NAALADL2: variants seen among roughly 807,000 people sequenced by gnomAD.
NAALADL2 encodes N-acetylated alpha-linked acidic dipeptidase like 2, also known as inactive N-acetylated-alpha-linked acidic dipeptidase-like protein 2.
In NAALADL2, 76 loss-of-function variants were observed where a neutral mutation model predicts 87.2. The observed-to-expected ratio is 0.87, with a 90% CI of 0.72 to 1.05. NAALADL2 has a LOEUF of 1.05. Among genes scored for constraint, NAALADL2 ranks in the 50% least tolerant of loss-of-function variants. The pLI, the probability that NAALADL2 is intolerant of heterozygous loss-of-function variation, is 0.00. For missense variants in NAALADL2, 1,089 were observed against 945.8 expected (o/e 1.15, Z -1.99); for synonymous variants, 354 against 331.0 (o/e 1.07, Z -0.75).
At chr3:175,429,012 A>C (rs1717283525) in intron 5 of NAALADL2, among the ~76,000 whole-genome samples, 1 of 151,990 alleles carries the variant, frequency 6.6e-6, no homozygotes, top group Non-Finnish European at 1.5e-5. Context: ...AAACCAAATG[A>C]ATGATATTGG....
At chr3:174,866,961 C>G (rs1442302271) in intron 1 of NAALADL2, among the ~76,000 whole-genome samples, 3 of 151,194 alleles carry the variant, frequency 2.0e-5, no homozygotes, top group Admixed American at 6.6e-5. Context: ...ATTAGAAAAC[C>G]CATAATATTG....
At chr3:175,091,676 A>G (rs1194576330) in intron 1 of NAALADL2, among the ~76,000 whole-genome samples, 2 of 152,064 alleles carry the variant, frequency 1.3e-5, no homozygotes, top group Non-Finnish European at 2.9e-5. Flanking sequence ...CAGAATTACG[A>G]TTACACATCA....
chr3:175,114,524 A>T (rs951993467), intron 2 of NAALADL2, among the ~76,000 whole-genome samples: 1 of 151,692 alleles, frequency 6.6e-6, no homozygotes, highest in East Asian at 1.9e-4. Context: ...TGCTAAACAT[A>T]TAAGTGTTTT....
chr3:174,736,857 C>T (rs1282404130), intron 2 of NAALADL2, among the ~76,000 whole-genome samples: 1 of 152,180 alleles, frequency 6.6e-6, no homozygotes, highest in African/African-American at 2.4e-5. Context: ...CTATGCTGAG[C>T]TTCCCTCAGC....
At chr3:174,506,856 A>C (rs1469870339) in intron 1 of NAALADL2, among the ~76,000 whole-genome samples, 2 of 151,574 alleles carry the variant, frequency 1.3e-5, no homozygotes, top group South Asian at 4.1e-4. Flanking sequence ...TCTTGGTTAT[A>C]TCTTTTTCTT....
At position 174,832,415 on chromosome 3, in the gene NAALADL2, G is replaced by A. The variant is rs375916896; in HGVS notation, c.-9+94669G>A. ...ATGTTCAGTTTCCATGTAGTTGAGC[G>A]GTTTTGAGTGAGATTCTTAATCCTG... On this transcript the variant is annotated intron_variant, in intron 3 of 3. Coordinates refer to the NAALADL2 transcript ENST00000434257. Among the ~76,000 whole-genome samples, 708 of 152,110 alleles carry A rather than the reference G, an allele frequency of 4.7e-3. 5 individuals are homozygous for A. The highest frequency in any genetic ancestry group is 6.5e-3 in the Non-Finnish European group (439 of 68,000).
rs367832329 is a variant in NAALADL2, at chr3:175,241,280, G to A, written c.819+7076G>A. 3.3e-5 allele frequency among the ~76,000 whole-genome samples: 5 copies of A among 151,996 alleles called. No homozygotes were observed. The East Asian group carries it at 7.7e-4, about 23-fold the overall frequency. ...GTTTTGCCCAGGCTGGAGTGCAGTG[G>A]TGCAACCTCGGCTCACTGTAACCTC... On this transcript the variant is annotated intron_variant, in intron 3 of 13. Coordinates refer to ENST00000454872, the MANE Select transcript of NAALADL2 (RefSeq NM_207015.3).
intron 2 of NAALADL2, among the ~76,000 whole-genome samples, chr3:174,689,634 A>G (rs548551110): frequency 6.6e-6 from 1 of 152,082 alleles, no homozygotes; most frequent in South Asian, 2.1e-4. Flanking sequence ...GGCTCTTCTA[A>G]TTAGTCATGA....
At chr3:175,297,253 T>C (rs1756505508) in intron 4 of NAALADL2, among the ~76,000 whole-genome samples, 3 of 152,290 alleles carry the variant, frequency 2.0e-5, no homozygotes, top group Non-Finnish European at 4.4e-5. Flanking sequence ...CAAAAGCCAA[T>C]AGGTAACTAA....
At chr3:175,584,218 A>G (rs1720214842) in intron 10 of NAALADL2, among the ~76,000 whole-genome samples, 2 of 151,972 alleles carry the variant, frequency 1.3e-5, no homozygotes, top group African/African-American at 4.8e-5. Context: ...TTGTATTTTT[A>G]GTAGAGTTGG....
intron 1 of NAALADL2, among the ~76,000 whole-genome samples, chr3:174,944,935 G>A (rs1739176328): frequency 6.6e-6 from 1 of 152,106 alleles, no homozygotes; most frequent in African/African-American, 2.4e-5. Context: ...TTGTTTCCTT[G>A]ATTAGTCCTT....
chr3:174,797,714 A>G (rs1718307578), intron 3 of NAALADL2, among the ~76,000 whole-genome samples: 1 of 152,024 alleles, frequency 6.6e-6, no homozygotes, highest in African/African-American at 2.4e-5. Flanking sequence ...GATTGTGTTG[A>G]TCTTGAGCTT....
At chr3:175,449,815 C>T (rs1721278804) in intron 6 of NAALADL2, among the ~76,000 whole-genome samples, 1 of 152,098 alleles carries the variant, frequency 6.6e-6, no homozygotes, top group African/African-American at 2.4e-5. Flanking sequence ...GATATACACC[C>T]ATGTTAAAGC....
chr3:175,168,650 A>G (rs1463220881), intron 2 of NAALADL2, among the ~76,000 whole-genome samples: 13 of 151,806 alleles, frequency 8.6e-5, no homozygotes, highest in African/African-American at 2.9e-4. Context: ...ATCAATATCA[A>G]AGGCTGAGAT....
At chr3:175,385,949 A>G (rs189015354) in intron 5 of NAALADL2, among the ~76,000 whole-genome samples, 133 of 152,144 alleles carry the variant, frequency 8.7e-4, no homozygotes, top group African/African-American at 3.1e-3. Flanking sequence ...AGGGGAGAAT[A>G]AAAGATTTTT....
chr3:174,875,759 A>G (rs750073799), intron 1 of NAALADL2, among the ~76,000 whole-genome samples: 12 of 151,444 alleles, frequency 7.9e-5, no homozygotes, highest in Non-Finnish European at 1.5e-4. Context: ...GCATTTTTTC[A>G]TAAGCATTTA....
chr3:175,383,127 A>G (rs1233214683), intron 5 of NAALADL2, among the ~76,000 whole-genome samples: 1 of 152,100 alleles, frequency 6.6e-6, no homozygotes, highest in Non-Finnish European at 1.5e-5. Flanking sequence ...TAATGATCAC[A>G]TAAGAGTAAT....
chr3:175,018,975 T>A lies in NAALADL2; in HGVS notation c.44-77815T>A, dbSNP rs1348918873. Among the ~76,000 whole-genome samples, 4 of 152,052 alleles carry A rather than the reference T, an allele frequency of 2.6e-5. No homozygotes were observed. The South Asian group carries it at 6.2e-4, about 24-fold the overall frequency. ...CATGTAACTTTTTTGCCATTTTATC[T>A]TCTTGAAAGAAACCACCTCCTGCTT... On this transcript the variant is annotated intron_variant, in intron 1 of 13. Coordinates refer to ENST00000454872, the MANE Select transcript of NAALADL2 (RefSeq NM_207015.3).
chr3:174,979,304 C>CTTTTTTTTTTTTTT (rs5854604), intron 1 of NAALADL2, among the ~76,000 whole-genome samples: 107 of 105,200 alleles, frequency 1.0e-3, no homozygotes, highest in Non-Finnish European at 1.2e-3. Flanking sequence ...TCTTTCTTTT[C>CTTTTTTTTTTTTTT]TTTTTTTTTT....
Sources: gnomAD v4.1 joint callset for allele counts (sites outside exome capture counted in the v4.1 genomes callset) on GRCh38, gnomAD v4.1.1 for gene constraint, MANE v1.5 for transcripts, NCBI Gene and HGNC (gene_info 2026-07-23, HGNC 2026-07-21) for gene names.